BEND7: variants seen among roughly 807,000 people sequenced by gnomAD.
The protein encoded by BEND7 is BEN domain-containing protein 7.
In BEND7, 28 loss-of-function variants were observed where a neutral mutation model predicts 50.9. The observed-to-expected ratio is 0.55, with a 90% CI of 0.41 to 0.75. The LOEUF is 0.75. Among genes scored for constraint, BEND7 ranks in the 30% least tolerant of loss-of-function variants. The probability of loss-of-function intolerance (pLI) is 0.00; values close to 1 mark genes in which losing one functional copy is unlikely to be tolerated. For missense variants in BEND7, 477 were observed against 491.3 expected, an observed-to-expected ratio of 0.97 and a Z score of 0.28; for synonymous variants, 170 against 183.9, an observed-to-expected ratio of 0.92 and a Z score of 0.61.
At chr10:13,472,070 G>A (rs1032831946) in intron 6 of BEND7, among the ~76,000 whole-genome samples, 13 of 150,800 alleles carry the variant, frequency 8.6e-5, no homozygotes, top group African/African-American at 3.2e-4. Flanking sequence ...GTCGATACCC[G>A]TCATCACTGT....
At chr10:13,474,169 T>G (rs1355794048) in intron 6 of BEND7, among the ~76,000 whole-genome samples, 1 of 151,714 alleles carries the variant, frequency 6.6e-6, no homozygotes, top group Non-Finnish European at 1.5e-5. Flanking sequence ...CTGTCATCGC[T>G]GTTAGATTTC....
At position 13,491,895 on chromosome 10, in the gene BEND7, A is replaced by G. The variant is rs150710596; in HGVS notation, c.837+716T>C. 9.7e-4 allele frequency among the ~76,000 whole-genome samples: 147 copies of G among 152,282 alleles called. No individual in the cohort carries two copies. The Middle Eastern group carries it at 0.014, about 14-fold the overall frequency. On this transcript the variant is annotated intron_variant, in intron 5 of 8. Transcript: ENST00000466271. ...CTTGTTTATTTTAAGAACTCTCCCAACAAGTTAAGGTTCACAACACAAACA... is the reference window on the plus strand; with the variant it reads ...CTTGTTTATTTTAAGAACTCTCCCAGCAAGTTAAGGTTCACAACACAAACA...
intron 1 of BEND7, among the ~76,000 whole-genome samples, chr10:13,528,247 T>G (rs886600856): frequency 1.3e-5 from 2 of 151,882 alleles, no homozygotes; most frequent in Non-Finnish European, 2.9e-5. Context: ...TTTCCTGAGC[T>G]GCCCTCCGAC....
At chr10:13,525,796 C>T (rs912087233) in intron 2 of BEND7, among the ~76,000 whole-genome samples, 1 of 152,158 alleles carries the variant, frequency 6.6e-6, no homozygotes, top group Non-Finnish European at 1.5e-5. Context: ...AGATGTAATA[C>T]CCCAATTACA....
chr10:13,489,908 CAAAT>C (rs1759745582), intron 5 of BEND7, among the ~76,000 whole-genome samples: 1 of 152,342 alleles, frequency 6.6e-6, no homozygotes, highest in Non-Finnish European at 1.5e-5. Flanking sequence ...GCAGATTAAA[CAAAT>C]AACATTTACT....
chr10:13,505,261 C>A (rs752223696), intron 2 of BEND7, among the ~76,000 whole-genome samples: 1 of 152,192 alleles, frequency 6.6e-6, no homozygotes, highest in Non-Finnish European at 1.5e-5. Flanking sequence ...GACCACCTCC[C>A]TACAGGACAG....
chr10:13,520,272 T>C (rs1310865673), intron 2 of BEND7, among the ~76,000 whole-genome samples: 1 of 152,110 alleles, frequency 6.6e-6, no homozygotes, highest in African/African-American at 2.4e-5. Flanking sequence ...CCGGAGGCAG[T>C]AAACAAGCCC....
At chr10:13,474,741 A>C (rs1488534673) in intron 6 of BEND7, among the ~76,000 whole-genome samples, 1 of 151,372 alleles carries the variant, frequency 6.6e-6, no homozygotes, top group Non-Finnish European at 1.5e-5. Flanking sequence ...GTCGATACCC[A>C]TCATCGCTGT....
intron 2 of BEND7, among the ~76,000 whole-genome samples, chr10:13,511,772 C>T (rs2078290411): frequency 6.6e-6 from 1 of 152,162 alleles, no homozygotes; most frequent in African/African-American, 2.4e-5. Context: ...AATCCTGACA[C>T]CAAGCTAAGA....
chr10:13,473,775 T>C (rs1369870527), intron 6 of BEND7, among the ~76,000 whole-genome samples: 1 of 151,576 alleles, frequency 6.6e-6, no homozygotes, highest in Non-Finnish European at 1.5e-5. Flanking sequence ...GCTCTTAGAC[T>C]TGGGGGTGAT....
chr10:13,438,678 A>G (rs1457701517), downstream of BEND7: 1 of 157,456 alleles, frequency 6.4e-6, no homozygotes, highest in Non-Finnish European at 1.4e-5. Context: ...ATGGAGTACA[A>G]CCTGCATCTC....
intron 7 of BEND7, among the ~76,000 whole-genome samples, chr10:13,451,372 C>CT (rs1326664188): frequency 1.1e-4 from 16 of 149,126 alleles, no homozygotes; most frequent in Admixed American, 3.4e-4. Context: ...AGATTTTTTT[C>CT]TTTTTTTTTG....
intron 6 of BEND7, among the ~76,000 whole-genome samples, chr10:13,478,077 G>T (rs1034948305): frequency 1.1e-4 from 17 of 152,186 alleles, no homozygotes; most frequent in Non-Finnish European, 1.5e-4. Flanking sequence ...AGGGGAGAGG[G>T]GAGGGAGGAT....
chr10:13,474,768 C>G (rs2075303761), intron 6 of BEND7, among the ~76,000 whole-genome samples: 1 of 152,224 alleles, frequency 6.6e-6, no homozygotes, highest in Non-Finnish European at 1.5e-5. Flanking sequence ...TGGGTTGATA[C>G]CCATCATCAG....
intron 2 of BEND7, among the ~76,000 whole-genome samples, chr10:13,524,106 C>A (rs146566699): frequency 3.3e-5 from 5 of 152,310 alleles, no homozygotes; most frequent in Non-Finnish European, 5.9e-5. Context: ...CTTACTGAAT[C>A]CTGGGCACTA....
chr10:13,451,717 G>A (rs191234879), intron 7 of BEND7, among the ~76,000 whole-genome samples: 5 of 150,804 alleles, frequency 3.3e-5, no homozygotes, highest in South Asian at 4.2e-4. Context: ...CCATTAACTC[G>A]TCATTTAACA....
chr10:13,481,127 A>G lies in BEND7; in HGVS notation c.838-3T>C. ...CCTTCAGCAAGTTGTACTTCTGGCT[A>G]CCAAAAGAACACAGATATTTCATTA... On this transcript the variant is annotated splice_polypyrimidine_tract_variant and splice_region_variant and intron_variant, in intron 5 of 8. Transcript: ENST00000466271. 6.2e-7 allele frequency: 1 copy of G among 1,613,210 alleles called. No individual in the cohort carries two copies. The highest frequency in any genetic ancestry group is 8.5e-7 in the Non-Finnish European group (1 of 1,179,418).
chr10:13,502,130 T>TA (rs1185728185), intron 2 of BEND7, among the ~76,000 whole-genome samples: 1 of 152,200 alleles, frequency 6.6e-6, no homozygotes, highest in Non-Finnish European at 1.5e-5. Context: ...GTAGAACTGG[T>TA]AACTGCACAA....
intron 6 of BEND7, among the ~76,000 whole-genome samples, chr10:13,460,864 A>T (rs1443571895): frequency 4.6e-5 from 7 of 152,246 alleles, no homozygotes; most frequent in Non-Finnish European, 1.5e-5. Context: ...AAAATGCATT[A>T]ATTCAAGACA....
Sources: allele counts gnomAD v4.1 joint callset (sites outside exome capture counted in the v4.1 genomes callset), GRCh38; gene constraint gnomAD v4.1.1; transcripts MANE v1.5; gene names NCBI Gene and HGNC (gene_info 2026-07-23, HGNC 2026-07-21).